The following FAM120B variants were observed in gnomAD, a reference collection of about 807,000 sequenced individuals.
FAM120B encodes family with sequence similarity 120 member B, also known as constitutive coactivator of peroxisome proliferator-activated receptor gamma.
FAM120B carries 83 observed loss-of-function variants against 96.3 expected under a neutral mutation model. The ratio of observed to expected loss-of-function variants is 0.86; its 90% CI spans 0.72 to 1.03. The LOEUF (loss-of-function observed/expected upper bound fraction) is 1.03. Among genes scored for constraint, FAM120B ranks in the 50% least tolerant of loss-of-function variants. The pLI is 0.00. For missense variants in FAM120B, 1,027 were observed against 1,121.2 expected (o/e 0.92, Z 1.20); for synonymous variants, 407 against 402.7 (o/e 1.01, Z -0.13).
At chr6:170,313,017 C>G (rs148019467) in intron 1 of FAM120B, among the ~76,000 whole-genome samples, 59 of 152,248 alleles carry the variant, frequency 3.9e-4, no homozygotes, top group African/African-American at 1.3e-3. Flanking sequence ...GCTCAAGGCC[C>G]TAGCAAAAGT....
At chr6:170,354,018 AC>A (rs1359696940) in intron 5 of FAM120B, among the ~76,000 whole-genome samples, 1 of 152,246 alleles carries the variant, frequency 6.6e-6, no homozygotes, top group Non-Finnish European at 1.5e-5. Flanking sequence ...CCAACTTCAA[AC>A]TATTCTACAA....
At chr6:170,336,803 G>T (rs972975809) in intron 4 of FAM120B, among the ~76,000 whole-genome samples, 2 of 152,110 alleles carry the variant, frequency 1.3e-5, no homozygotes, top group Non-Finnish European at 2.9e-5. Flanking sequence ...AATTGTGAAT[G>T]GGAGTTCACT....
chr6:170,353,122 A>C (rs1416574863), intron 5 of FAM120B, among the ~76,000 whole-genome samples: 1 of 152,266 alleles, frequency 6.6e-6, no homozygotes, highest in Non-Finnish European at 1.5e-5. Flanking sequence ...TAGAAAATCT[A>C]GATGACATTG....
chr6:170,330,531 G>T lies in FAM120B; in HGVS notation c.1998G>T (p.Pro666=), dbSNP rs768270339. The change falls in exon 4 of 11, where the codon CCG becomes CCT. Residue 666 remains proline, a synonymous_variant. Coordinates refer to ENST00000476287, the MANE Select transcript of FAM120B (RefSeq NM_032448.3). ...TGAGGCACCCGGACCTCGTCAGGCC[G>T]CTGCAGATGACCATTCCAGGTACAG... ...NPLRHPDLVR[P]LQMTIPGGTP... The T allele has an allele frequency of 4.3e-6, 7 of 1,613,588 alleles. No individual in the cohort carries two copies. In the East Asian group the frequency reaches 1.1e-4, roughly 26 times the overall value.
intron 4 of FAM120B, 67 bp downstream of exon 4, chr6:170,330,617 A>T: frequency 8.3e-7 from 1 of 1,209,072 alleles, no homozygotes; most frequent in Non-Finnish European, 1.2e-6. Context: ...CTAAGAATGC[A>T]TCAGTTATGG....
At chr6:170,309,106 A>G (rs755356922) in intron 1 of FAM120B, among the ~76,000 whole-genome samples, 7 of 152,244 alleles carry the variant, frequency 4.6e-5, no homozygotes, top group Non-Finnish European at 8.8e-5. Flanking sequence ...CTAGGGTTAT[A>G]CACTGTGTAA....
chr6:170,378,514 G>A (rs1207629202), intron 6 of FAM120B, among the ~76,000 whole-genome samples: 4 of 152,198 alleles, frequency 2.6e-5, no homozygotes, highest in African/African-American at 7.2e-5. Flanking sequence ...AAAAAAATAC[G>A]TTGAGCGCCT....
intron 6 of FAM120B, among the ~76,000 whole-genome samples, chr6:170,365,715 C>A (rs9460125): frequency 0.017 from 2,444 of 145,030 alleles, 65 homozygotes; most frequent in African/African-American, 0.059. Context: ...ACCCCTCCCT[C>A]CCCCCCCTCC....
chr6:170,338,504 T>C (rs929219772), intron 4 of FAM120B, among the ~76,000 whole-genome samples: 5 of 152,192 alleles, frequency 3.3e-5, no homozygotes, highest in African/African-American at 1.2e-4. Flanking sequence ...GAATGTATAT[T>C]CTGTTGATTT....
rs113582387 is a variant in FAM120B at position 170,301,658 on chromosome 6, C to G, written c.48+6205C>G. Among the ~76,000 whole-genome samples, 784 of 152,232 alleles carry G rather than the reference C, an allele frequency of 5.2e-3. 8 individuals are homozygous for G. Among genetic ancestry groups the G allele is most frequent in the African/African-American group, 0.018 (749 of 41,532 alleles). ...TCTAGAAATTTCTTCCACCAGATAC[C>G]CTAAATCATCTCTCTCAAGTGCAAA... On this transcript the variant is annotated intron_variant, in intron 1 of 10. Coordinates refer to the FAM120B transcript ENST00000537664.
At chr6:170,291,179 A>G (rs1366541754), upstream of FAM120B, 7 of 454,092 alleles carry the variant, frequency 1.5e-5, no homozygotes, top group Non-Finnish European at 2.9e-5. Context: ...CCCTCACCAC[A>G]CAAAACGCAC....
chr6:170,384,677 C>T (rs1243401459), intron 6 of FAM120B, among the ~76,000 whole-genome samples: 1 of 152,250 alleles, frequency 6.6e-6, no homozygotes, highest in Non-Finnish European at 1.5e-5. Flanking sequence ...GCAGACATAT[C>T]TGTAATCACA....
Position 170,330,437 on chromosome 6 carries a change from C to A in FAM120B, c.1916-12C>A. On this transcript the variant is annotated splice_polypyrimidine_tract_variant and intron_variant, in intron 3 of 10. Coordinates refer to ENST00000476287, the MANE Select transcript of FAM120B (RefSeq NM_032448.3). ...CCCTCATGCATCTACTGACCCAACT[C>A]TTTTTCTTCAGATGTCACCAGCACC... 2 of 1,612,264 alleles carry A rather than the reference C, an allele frequency of 1.2e-6. No individual in the cohort carries two copies. Among genetic ancestry groups the A allele is most frequent in the Non-Finnish European group, 1.7e-6 (2 of 1,178,436 alleles).
At chr6:170,296,627 G>A (rs1390798930) in intron 1 of FAM120B, among the ~76,000 whole-genome samples, 2 of 151,868 alleles carry the variant, frequency 1.3e-5, no homozygotes, top group Non-Finnish European at 2.9e-5. Flanking sequence ...AGCCCTGGGG[G>A]CCGGGGTCGG....
upstream of FAM120B, chr6:170,306,592 A>ACGCCGCCGGCGCCTGCGCGCCGCGTC: frequency 6.6e-6 from 1 of 152,152 alleles, no homozygotes. Context: ...GCGGCGTCCC[A>ACGCCGCCGGCGCCTGCGCGCCGCGTC]CGCCGCCGGC....
chr6:170,334,602 T>C (rs1004079567), intron 4 of FAM120B, among the ~76,000 whole-genome samples: 3 of 152,120 alleles, frequency 2.0e-5, no homozygotes, highest in Non-Finnish European at 4.4e-5. Context: ...GCTGGGTGTG[T>C]GTGTGCCTGC....
Position 170,317,450 on chromosome 6 carries a change from A to G in FAM120B, c.60A>G (p.Val20=), listed in dbSNP as rs1784967444. Reference sequence around the variant, plus strand: ...GTACCTGCCCACATATATGTACAGTAGTAAATTTCAAAGAACTGGCAGAGC... The same window carrying G: ...GTACCTGCCCACATATATGTACAGTGGTAAATTTCAAAGAACTGGCAGAGC... ...VGSTCPHICT[V]VNFKELAEHH... Residue 20 remains valine, a synonymous_variant, in exon 2 of 11, where the codon GTA becomes GTG. Transcript: ENST00000476287. The G allele has an allele frequency of 3.1e-6, 5 of 1,614,204 alleles. No individual in the cohort carries two copies. Among genetic ancestry groups the G allele is most frequent in the Non-Finnish European group, 4.2e-6 (5 of 1,180,026 alleles).
chr6:170,355,572 C>G (rs117327436), intron 5 of FAM120B, among the ~76,000 whole-genome samples: 11 of 150,336 alleles, frequency 7.3e-5, no homozygotes, highest in South Asian at 6.3e-4. Context: ...GTGAGGGGGT[C>G]GGGGAGGGGG....
chr6:170,359,193 G>A (rs1343219719), intron 6 of FAM120B, among the ~76,000 whole-genome samples: 1 of 152,158 alleles, frequency 6.6e-6, no homozygotes, highest in Non-Finnish European at 1.5e-5. Flanking sequence ...CTGAGGTCAG[G>A]AGTTCCAGAC....
Sources: gnomAD v4.1 joint callset for allele counts (sites outside exome capture counted in the v4.1 genomes callset) on GRCh38, gnomAD v4.1.1 for gene constraint, MANE v1.5 for transcripts, NCBI Gene and HGNC (gene_info 2026-07-23, HGNC 2026-07-21) for gene names.